The following ADAT1 variants were observed in gnomAD, a reference collection of about 807,000 sequenced individuals.
ADAT1 encodes adenosine deaminase tRNA specific 1.
In ADAT1, 58 loss-of-function variants were observed where a neutral mutation model predicts 58.6. The observed-to-expected ratio is 0.99, with a 90% CI of 0.80 to 1.23. The LOEUF (loss-of-function observed/expected upper bound fraction) is 1.23. Among genes scored for constraint, ADAT1 ranks in the 50% most tolerant of loss-of-function variants. The probability of loss-of-function intolerance (pLI) is 0.00; values close to 1 mark genes in which losing one functional copy is unlikely to be tolerated. For synonymous variants in ADAT1, 254 were observed against 220.8 expected (o/e 1.15, Z -1.33); for missense variants, 741 against 608.6 (o/e 1.22, Z -2.29).
chr16:75,602,969 A>G lies in ADAT1; in HGVS notation c.1376+116T>C, dbSNP rs1421956455. ...GGGAAAGAAGAACTTGTGGTCAACA[A>G]TAAGTGCCACTGGCTTGCTGAACCA... On this transcript the variant is annotated intron_variant, in intron 9 of 9. Coordinates refer to ENST00000564657, the MANE Select transcript of ADAT1 (RefSeq NM_001324445.2). 38 of 853,846 alleles carry G rather than the reference A, an allele frequency of 4.5e-5. No individual in the cohort carries two copies. In the Admixed American group the frequency reaches 6.1e-4, roughly 14 times the overall value. 52.9% of individuals were successfully genotyped at this position (853,846 alleles called of 1,614,324 possible).
intron 8 of ADAT1, among the ~76,000 whole-genome samples, chr16:75,604,455 AAATATATAT>A (rs2081311006): frequency 1.4e-5 from 1 of 71,530 alleles, no homozygotes; most frequent in East Asian, 1.2e-3. Flanking sequence ...AAAAAAAAAA[AAATATATAT>A]ATATATATAT....
rs970761727 is a variant in ADAT1 at position 75,598,306 on chromosome 16, C to T, written c.*1910G>A. ...GGCCAGGATGGTCTTGATCTCCTGA[C>T]GTCGTGATCTGCCCACCTCGGCCTC... On this transcript the variant is annotated 3_prime_UTR_variant, in exon 10 of 10. Coordinates refer to ENST00000564657, the MANE Select transcript of ADAT1 (RefSeq NM_001324445.2). The T allele has an allele frequency of 2.0e-5, 6 of 300,426 alleles. No individual in the cohort carries two copies. The highest frequency in any genetic ancestry group is 3.0e-4 in the East Asian group (2 of 6,698). 18.6% of individuals were successfully genotyped at this position (300,426 alleles called of 1,614,324 possible). A position where few individuals can be genotyped will look rare whatever the true frequency, so the allele number is the denominator to read the frequency against.
chr16:75,618,978 T>C (rs575217689), intron 3 of ADAT1, among the ~76,000 whole-genome samples: 1 of 152,290 alleles, frequency 6.6e-6, no homozygotes, highest in South Asian at 2.1e-4. Context: ...TCTCTAGACA[T>C]TGCGAAATGT....
chr16:75,603,476 T>C (rs2081280048), intron 8 of ADAT1, among the ~76,000 whole-genome samples: 1 of 152,218 alleles, frequency 6.6e-6, no homozygotes, highest in Admixed American at 6.5e-5. Context: ...TCTGGCTAAA[T>C]CCTTTCAAGG....
At position 75,608,984 on chromosome 16, in the gene ADAT1, G is replaced by C. The variant is rs1478491353; in HGVS notation, c.1048C>G (p.Gln350Glu). The C allele has an allele frequency of 6.8e-6, 11 of 1,613,992 alleles. No individual in the cohort carries two copies. The East Asian group carries it at 2.2e-4, about 33-fold the overall frequency. The change falls in exon 7 of 10, where the codon CAG becomes GAG. Residue 350 changes from glutamine to glutamate, a missense_variant. By Grantham distance (29) the Gln-to-Glu change is conservative (BLOSUM62 2). Coordinates refer to ENST00000564657, the MANE Select transcript of ADAT1 (RefSeq NM_001324445.2). ...AMQRALIGRC[Q>E]NVSALPKGFG... The stretch of plus-strand genomic sequence containing the variant: ...CCTTTTGGTAAAGCAGACACATTCT[G>C]ACACCTAAATACAAGGGAAAATGCA...
intron 5 of ADAT1, among the ~76,000 whole-genome samples, chr16:75,615,350 G>A (rs1056513891): frequency 4.0e-5 from 6 of 151,268 alleles, no homozygotes; most frequent in African/African-American, 1.5e-4. Context: ...ACTGACTTAA[G>A]GAGTTTGATA....
At chr16:75,607,103 A>G (rs1470525054) in intron 8 of ADAT1, among the ~76,000 whole-genome samples, 2 of 151,986 alleles carry the variant, frequency 1.3e-5, no homozygotes, top group African/African-American at 2.4e-5. Flanking sequence ...GGTGGCGGGC[A>G]TCTGTAGTCC....
intron 5 of ADAT1, among the ~76,000 whole-genome samples, chr16:75,613,500 C>T (rs1482278214): frequency 1.3e-5 from 2 of 152,112 alleles, no homozygotes; most frequent in Non-Finnish European, 2.9e-5. Context: ...CGAGGTTTCA[C>T]CATGTTGGCC....
chr16:75,616,483 G>C (rs1484192870), intron 5 of ADAT1, among the ~76,000 whole-genome samples: 2 of 152,120 alleles, frequency 1.3e-5, no homozygotes, highest in African/African-American at 4.8e-5. Flanking sequence ...TTTAGGGTGA[G>C]AAAATTTTGC....
In ADAT1 at chr16:75,598,337, G is replaced by A. The variant is rs1597077642; in HGVS notation, c.*1879C>T. 1 of 259,638 alleles carries A rather than the reference G, an allele frequency of 3.9e-6. No individual in the cohort carries two copies. The highest frequency in any genetic ancestry group is 3.0e-5 in the South Asian group (1 of 33,826). The allele number at this position is 259,638 out of a possible 1,614,324, so 16.1% of individuals were successfully genotyped here. On this transcript the variant is annotated 3_prime_UTR_variant, in exon 10 of 10. Coordinates refer to ENST00000564657, the MANE Select transcript of ADAT1 (RefSeq NM_001324445.2). ...GATCTGCCCACCTCGGCCTCCTAAA[G>A]TGTTGGGATTACAGGCGTGAGCCAC... is the stretch of plus-strand genomic sequence containing the variant.
At chr16:75,605,409 A>G (rs552937893) in intron 8 of ADAT1, among the ~76,000 whole-genome samples, 19 of 152,282 alleles carry the variant, frequency 1.2e-4, no homozygotes, top group Non-Finnish European at 2.4e-4. Flanking sequence ...GATTTTCTTA[A>G]TAACATTTTC....
At chr16:75,613,444 T>G (rs143780596) in intron 5 of ADAT1, among the ~76,000 whole-genome samples, 2 of 152,106 alleles carry the variant, frequency 1.3e-5, no homozygotes, top group African/African-American at 4.8e-5. Flanking sequence ...TGGAATTACA[T>G]GCACACATCA....
chr16:75,601,955 G>A (rs761817384), intron 9 of ADAT1: 7 of 152,086 alleles, frequency 4.6e-5, no homozygotes, highest in Non-Finnish European at 7.3e-5. Flanking sequence ...ACCAGTTCCC[G>A]GGAGCCTCTA....
Position 75,612,266 on chromosome 16 carries a change from G to A in ADAT1, c.1020C>T (p.Ala340=), listed in dbSNP as rs1001088085. 6.2e-6 allele frequency: 10 copies of A among 1,614,116 alleles called. No homozygotes were observed. Among genetic ancestry groups the A allele is most frequent in the Non-Finnish European group, 8.5e-6 (10 of 1,180,016 alleles). Residue 340 remains alanine, a synonymous_variant, in exon 6 of 10, where the codon GCC becomes GCT. Transcript: ENST00000564657. ...ACCTTCCAATCAGTGCTCTCTGCAT[G>A]GCTTCCTGGCTGTATGGGCACTTCC... ...VIGKCPYSQE[A]MQRALIGRCQ... is the part of the protein sequence containing the mutation.
At chr16:75,611,233 C>A (rs79136331) in intron 6 of ADAT1, among the ~76,000 whole-genome samples, 16,234 of 152,008 alleles carry the variant, frequency 0.11, 892 homozygotes, top group Middle Eastern at 0.13. Flanking sequence ...AAGAAAAAAA[C>A]CACCCATAAT....
chr16:75,608,460 G>A (rs570901108), intron 7 of ADAT1, 137 bp from the exon 8 acceptor site: 3 of 712,464 alleles, frequency 4.2e-6, no homozygotes, highest in Admixed American at 5.3e-5. Flanking sequence ...ACTGCTATTG[G>A]ATGCTTGGCC....
chr16:75,623,150 A>G lies in ADAT1; in HGVS notation c.-769T>C, dbSNP rs2081984804. On this transcript the variant is annotated 5_prime_UTR_variant, in exon 1 of 10. Transcript: ENST00000564657. Reference sequence around the variant, plus strand: ...CGTCCCGGAAGATACGATCCTCACAACCTCTTCCCTCAAAAACAGACTCGG... The same window carrying G: ...CGTCCCGGAAGATACGATCCTCACAGCCTCTTCCCTCAAAAACAGACTCGG... 1 of 152,246 alleles carries G rather than the reference A, an allele frequency of 6.6e-6. No individual in the cohort carries two copies. Among genetic ancestry groups the G allele is most frequent in the Non-Finnish European group, 1.5e-5 (1 of 68,084 alleles). The allele number at this position is 152,246 out of a possible 1,614,324, so 9.4% of individuals were successfully genotyped here. A position where few individuals can be genotyped will look rare whatever the true frequency, so the allele number is the denominator to read the frequency against.
intron 4 of ADAT1, 60 bp downstream of exon 4, chr16:75,618,526 G>C (rs1430145720): frequency 2.1e-6 from 2 of 961,346 alleles, no homozygotes; most frequent in East Asian, 6.0e-5. Context: ...AAAAAAAAAA[G>C]TAAATTCCGG....
intron 1 of ADAT1, 138 bp from the exon 2 acceptor site, chr16:75,620,958 T>C: frequency 1.7e-6 from 1 of 605,096 alleles, no homozygotes; most frequent in Non-Finnish European, 2.7e-6. Context: ...TGGATCATTT[T>C]CTTCTACTAT....
Sources: allele counts gnomAD v4.1 joint callset (sites outside exome capture counted in the v4.1 genomes callset), GRCh38; gene constraint gnomAD v4.1.1; transcripts MANE v1.5; gene names NCBI Gene and HGNC (gene_info 2026-07-23, HGNC 2026-07-21).